The following ACAD10 variants were observed in gnomAD, a reference collection of about 807,000 sequenced individuals.
ACAD10 encodes acyl-CoA dehydrogenase family member 10.
Under a neutral mutation model 116.8 loss-of-function variants are expected in ACAD10, and 112 were observed. That is an observed-to-expected ratio of 0.96 (90% CI 0.82 to 1.12). The LOEUF is 1.12. ACAD10 is among the 50% of genes most tolerant of loss of function. The probability of loss-of-function intolerance (pLI) is 0.00; values close to 1 mark genes in which losing one functional copy is unlikely to be tolerated. For missense variants in ACAD10, 1,259 were observed against 1,350.2 expected, an observed-to-expected ratio of 0.93 and a Z score of 1.06; for synonymous variants, 486 against 510.6, an observed-to-expected ratio of 0.95 and a Z score of 0.65.
At chr12:111,729,998 A>G (rs779062320) in intron 10 of ACAD10, 42 bp downstream of exon 10, 9 of 1,601,442 alleles carry the variant, frequency 5.6e-6, no homozygotes, top group Non-Finnish European at 7.7e-6. Context: ...GACAGCAAGG[A>G]TGCTCCAAGG....
At chr12:111,701,464 A>C (rs1888347416) in intron 2 of ACAD10, among the ~76,000 whole-genome samples, 1 of 152,134 alleles carries the variant, frequency 6.6e-6, no homozygotes, top group South Asian at 2.1e-4. Context: ...CAGGAGTTTG[A>C]GATCAGCGTG....
At chr12:111,728,207 C>A in intron 9 of ACAD10, 64 bp downstream of exon 9, 1 of 1,507,546 alleles carries the variant, frequency 6.6e-7, no homozygotes. Flanking sequence ...CTTTTAGGAT[C>A]TGAATCGTTT....
intron 12 of ACAD10, 117 bp from the exon 13 acceptor site, chr12:111,744,526 A>G (rs975093607): frequency 2.4e-6 from 3 of 1,274,400 alleles, no homozygotes. Flanking sequence ...AGTGTTTGGT[A>G]CTTAGCAAGT....
At chr12:111,726,106 T>G (rs1225284501) in intron 8 of ACAD10, among the ~76,000 whole-genome samples, 4 of 151,942 alleles carry the variant, frequency 2.6e-5, no homozygotes, top group Non-Finnish European at 5.9e-5. Flanking sequence ...ATACAGAAAT[T>G]AGCTGGGCAT....
chr12:111,704,583 G>C (rs1433615817), intron 3 of ACAD10, among the ~76,000 whole-genome samples: 2 of 151,938 alleles, frequency 1.3e-5, no homozygotes, highest in African/African-American at 4.8e-5. Context: ...CAGTAAAGCT[G>C]TTCTAAAATC....
Position 111,733,984 on chromosome 12 carries a change from C to G in ACAD10, c.1456C>G (p.Leu486Val), listed in dbSNP as rs1681651639. The part of the protein sequence containing the change: ...PEVLAVLDWE[L>V]STLGDPLADV... ...GGTGCTTGCTGTCCTTGACTGGGAA[C>G]TTTCTACCTTGGGCGACCCCCTTGC... Residue 486 changes from leucine to valine, a missense_variant, in exon 11 of 21, where the codon CTT (leucine) becomes GTT (valine). Coordinates refer to ENST00000313698, the MANE Select transcript of ACAD10 (RefSeq NM_025247.6). 6 of 1,614,252 alleles carry G rather than the reference C, an allele frequency of 3.7e-6. No homozygotes were observed. The highest frequency in any genetic ancestry group is 2.2e-5 in the East Asian group (1 of 44,890).
At chr12:111,750,170 CA>C (rs1890034708) in intron 18 of ACAD10, among the ~76,000 whole-genome samples, 1 of 150,298 alleles carries the variant, frequency 6.7e-6, no homozygotes. Flanking sequence ...TGGCTCACTG[CA>C]ACCTCTGCCT....
chr12:111,706,007 C>T (rs1038491107), intron 4 of ACAD10, 75 bp downstream of exon 4: 34 of 1,503,744 alleles, frequency 2.3e-5, no homozygotes, highest in Non-Finnish European at 3.0e-5. Flanking sequence ...TAAATGCTAT[C>T]TTCCAGCAGG....
At chr12:111,697,571 G>A (rs1194097328) in intron 2 of ACAD10, among the ~76,000 whole-genome samples, 1 of 147,700 alleles carries the variant, frequency 6.8e-6, no homozygotes, top group African/African-American at 2.5e-5. Flanking sequence ...ATGTTGACCA[G>A]GTTGGTCTCT....
At chr12:111,755,349 G>C (rs879337357) in intron 19 of ACAD10, among the ~76,000 whole-genome samples, 1 of 152,076 alleles carries the variant, frequency 6.6e-6, no homozygotes, top group Non-Finnish European at 1.5e-5. Flanking sequence ...CAGGTGATCT[G>C]CCCGCCTCGG....
At position 111,746,278 on chromosome 12, in the gene ACAD10, C is replaced by A; in HGVS notation, c.2250C>A (p.Ala750=). The change falls in exon 14 of 21, where the codon GCC becomes GCA. Residue 750 remains alanine (A), a synonymous_variant. Coordinates refer to ENST00000313698, the MANE Select transcript of ACAD10 (RefSeq NM_025247.6). ...AGCTCATGGGCACGTCCCTGTATGC[C>A]CCCGAGGTACCTTCTTTAAAGTTTT... ...LCELMGTSLY[A]PEVCNCSAPD... The A allele has an allele frequency of 6.2e-7, 1 of 1,610,342 alleles. No individual in the cohort carries two copies. The highest frequency in any genetic ancestry group is 8.5e-7 in the Non-Finnish European group (1 of 1,178,878).
chr12:111,755,966 A>G, intron 20 of ACAD10: 1 of 699,218 alleles, frequency 1.4e-6, no homozygotes, highest in Non-Finnish European at 2.4e-6. Context: ...CAGAAAAGTG[A>G]AGTGACTTGT....
chr12:111,749,649 G>A, intron 18 of ACAD10: 1 of 346,288 alleles, frequency 2.9e-6, no homozygotes, highest in Non-Finnish European at 5.3e-6. Context: ...AAATCAGTCT[G>A]GGTGCAATGG....
Position 111,728,059 on chromosome 12 carries a change from A to G in ACAD10, c.1159A>G (p.Ile387Val), listed in dbSNP as rs530140051. 25 of 1,614,178 alleles carry G rather than the reference A, an allele frequency of 1.5e-5. 1 individual carries two copies. The highest frequency in any genetic ancestry group is 1.3e-4 in the African/African-American group (10 of 75,052). Reference protein sequence around the residue: ...PGLEPSHRRAIYTAMNTVLCK... With the variant: ...PGLEPSHRRAVYTAMNTVLCK... The stretch of plus-strand genomic sequence containing the variant: ...CTTGGAGCCCAGCCACAGACGAGCC[A>G]TATACACTGCCATGAACACAGTCCT... The change falls in exon 9 of 21, where the codon ATA (isoleucine) becomes GTA (valine). Residue 387 changes from isoleucine (I) to valine (V), a missense_variant. Coordinates refer to ENST00000313698, the MANE Select transcript of ACAD10 (RefSeq NM_025247.6).
chr12:111,709,868 G>A, intron 5 of ACAD10, 184 bp downstream of exon 5: 1 of 695,588 alleles, frequency 1.4e-6, no homozygotes, highest in Non-Finnish European at 2.3e-6. Context: ...TCAATGGGAA[G>A]CAAGACAAAC....
At chr12:111,739,377 G>C (rs1425609913) in intron 12 of ACAD10, among the ~76,000 whole-genome samples, 1 of 152,162 alleles carries the variant, frequency 6.6e-6, no homozygotes, top group African/African-American at 2.4e-5. Flanking sequence ...AAACATCACA[G>C]GGCAAACAAC....
At chr12:111,729,340 C>T (rs1889321402) in intron 9 of ACAD10, among the ~76,000 whole-genome samples, 1 of 152,148 alleles carries the variant, frequency 6.6e-6, no homozygotes, top group Non-Finnish European at 1.5e-5. Flanking sequence ...TGGGTTCAAG[C>T]GATTTTCCTG....
At position 111,692,889 on chromosome 12, in the gene ACAD10, C is replaced by CGCTGCA; in HGVS notation, c.182_187dup (p.Ala61_Ala62dup). ...TTCTCATTCCTTCTCCAGGGAGAGT[C>CGCTGCA]GCTGCAGGTGAGCTATTGATTCTGT... On this transcript the variant is annotated inframe_insertion, in exon 2 of 21. Transcript: ENST00000313698. The CGCTGCA allele has an allele frequency of 6.2e-7, 1 of 1,613,766 alleles. No homozygotes were observed. Among genetic ancestry groups the CGCTGCA allele is most frequent in the Non-Finnish European group, 8.5e-7 (1 of 1,179,844 alleles).
intron 8 of ACAD10, among the ~76,000 whole-genome samples, chr12:111,725,532 TC>T (rs1442167941): frequency 6.6e-6 from 1 of 151,524 alleles, no homozygotes; most frequent in Non-Finnish European, 1.5e-5. Flanking sequence ...TCCTTTCTTT[TC>T]TTCTTCTTCT....
Sources: allele counts gnomAD v4.1 joint callset (sites outside exome capture counted in the v4.1 genomes callset), GRCh38; gene constraint gnomAD v4.1.1; transcripts MANE v1.5; gene names NCBI Gene and HGNC (gene_info 2026-07-23, HGNC 2026-07-21).